FCGR2A: variants seen among roughly 807,000 people sequenced by gnomAD.
FCGR2A encodes low affinity immunoglobulin gamma Fc region receptor II-a.
In FCGR2A, 18 loss-of-function variants were observed where a neutral mutation model predicts 29.3. That is an observed-to-expected ratio of 0.62 (90% CI 0.43 to 0.91). The LOEUF is 0.91. Ranked by LOEUF, FCGR2A falls within the 40% of genes least tolerant of loss-of-function variation. The pLI is 0.00. For synonymous variants in FCGR2A, 126 were observed against 144.8 expected, an observed-to-expected ratio of 0.87 and a Z score of 0.93; for missense variants, 287 against 393.0, an observed-to-expected ratio of 0.73 and a Z score of 2.28.
intron 5 of FCGR2A, 68 bp downstream of exon 5, chr1:161,511,024 T>G: frequency 1.2e-6 from 2 of 1,611,392 alleles, no homozygotes; most frequent in Non-Finnish European, 1.7e-6. Context: ...CCCCAGACAT[T>G]GCCAGAATCC....
chr1:161,523,830 T>C (rs1024292831), downstream of FCGR2A: 1 of 149,596 alleles, frequency 6.7e-6, no homozygotes, highest in South Asian at 2.1e-4. Flanking sequence ...TTGAAATGGA[T>C]CGGAAAAAAA....
At chr1:161,507,162 T>C (rs1675468652) in intron 3 of FCGR2A, among the ~76,000 whole-genome samples, 1 of 152,242 alleles carries the variant, frequency 6.6e-6, no homozygotes, top group Non-Finnish European at 1.5e-5. Flanking sequence ...GATTTAGCTT[T>C]ATGTAAACAT....
At chr1:161,523,739 A>G (rs936216157), downstream of FCGR2A, 2 of 152,158 alleles carry the variant, frequency 1.3e-5, no homozygotes, top group African/African-American at 4.8e-5. Context: ...AAGGAGAGAG[A>G]ACAAAACTGG....
chr1:161,506,313 C>G, intron 2 of FCGR2A, 21 bp from the exon 3 acceptor site: 2 of 1,613,912 alleles, frequency 1.2e-6, no homozygotes, highest in Middle Eastern at 1.7e-4. Flanking sequence ...ATTCCACACC[C>G]CTTTCCACTC....
At chr1:161,520,452 C>T (rs1212166038), downstream of FCGR2A, among the ~76,000 whole-genome samples, 2 of 151,866 alleles carry the variant, frequency 1.3e-5, no homozygotes, top group Non-Finnish European at 2.9e-5. Flanking sequence ...GTTACCTCCA[C>T]CTGGTCCCAC....
intron 1 of FCGR2A, 138 bp downstream of exon 1, chr1:161,505,690 T>C: frequency 1.3e-6 from 1 of 790,362 alleles, no homozygotes; most frequent in Non-Finnish European, 2.2e-6. Context: ...CCCTGAATTC[T>C]TAAGTGTTCC....
chr1:161,513,842 C>A (rs1675970878), intron 5 of FCGR2A, 53 bp from the exon 6 acceptor site: 2 of 1,613,944 alleles, frequency 1.2e-6, no homozygotes, highest in South Asian at 2.2e-5. Context: ...TCAGCGTGGG[C>A]AGGCCCTTTT....
intron 6 of FCGR2A, among the ~76,000 whole-genome samples, chr1:161,514,346 G>C (rs1676010471): frequency 1.3e-5 from 2 of 149,662 alleles, no homozygotes. Flanking sequence ...ATTAATACTT[G>C]TCTCTGACTT....
intron 1 of FCGR2A, chr1:161,505,779 CT>C: frequency 1.4e-6 from 1 of 715,268 alleles, no homozygotes; most frequent in Admixed American, 2.0e-5. Context: ...TTCATGTGTA[CT>C]TTGTAGTCAT....
chr1:161,510,263 C>A (rs1299078330), intron 4 of FCGR2A, 189 bp downstream of exon 4: 2 of 1,011,154 alleles, frequency 2.0e-6, no homozygotes, highest in Non-Finnish European at 1.4e-6. Flanking sequence ...GGAGCCCTCA[C>A]GTCCCAGGTA....
In FCGR2A at chr1:161,505,995, G is replaced by C. The variant is rs1675362931; in HGVS notation, c.94G>C (p.Asp32His). Residue 32 changes from aspartate (D) to histidine (H), a missense_variant, in exon 2 of 7, where the codon GAC becomes CAC. This residue lies in a region of FCGR2A where 181 missense variants were observed against 250.9 expected (regional missense o/e 0.72). Coordinates refer to ENST00000271450, the MANE Select transcript of FCGR2A (RefSeq NM_001136219.3). ...LTVLLLLASA[D>H]SQAAAPPKAV... ...TCTCTTCTCTTTTACAGCTTCTGCA[G>C]ACAGTCAAGCTGGTGAGTATGCCCT... The C allele has an allele frequency of 1.2e-6, 2 of 1,614,006 alleles. No homozygotes were observed. The highest frequency in any genetic ancestry group is 1.7e-5 in the Admixed American group (1 of 60,000).
rs4657047 is a variant in FCGR2A, at chr1:161,516,483, T to G, written c.781-1492T>G. Among the ~76,000 whole-genome samples the G allele has an allele frequency of 2.5e-4, 38 of 152,088 alleles. 1 individual carries two copies. In the East Asian group the frequency reaches 2.7e-3, roughly 11 times the overall value. The stretch of plus-strand genomic sequence containing the variant: ...TGAGATTTCTCAATTACTAGATAGT[T>G]TTTAAAAACTAAAGTTGACTGATAA... On this transcript the variant is annotated intron_variant, in intron 6 of 6. Coordinates refer to ENST00000271450, the MANE Select transcript of FCGR2A (RefSeq NM_001136219.3).
At chr1:161,523,934 C>G (rs141404544), downstream of FCGR2A, 2 of 152,322 alleles carry the variant, frequency 1.3e-5, no homozygotes, top group African/African-American at 2.4e-5. Context: ...CAGCTAAAGA[C>G]CTGCAGTATT....
chr1:161,508,177 G>A (rs367945749), intron 3 of FCGR2A, among the ~76,000 whole-genome samples: 5 of 151,150 alleles, frequency 3.3e-5, no homozygotes, highest in Admixed American at 3.3e-4. Flanking sequence ...ACAAAGAAAT[G>A]CAACTGATTA....
chr1:161,508,587 CAAAAAAAAAA>C (rs10648106), intron 3 of FCGR2A, among the ~76,000 whole-genome samples: 33 of 88,430 alleles, frequency 3.7e-4, no homozygotes, highest in Non-Finnish European at 5.9e-4. Flanking sequence ...AACTCCATCT[CAAAAAAAAAA>C]AAAAGAAAAA....
Position 161,506,484 on chromosome 1 carries a change from C to G in FCGR2A, c.257C>G (p.Thr86Arg), listed in dbSNP as rs202091810. The change falls in exon 3 of 7, where the codon ACG (threonine) becomes AGG (arginine). Residue 86 changes from threonine (T) to arginine (R), a missense_variant. Physicochemically the swap from Thr to Arg is moderately conservative, Grantham distance 71. This residue lies in a region of FCGR2A where 181 missense variants were observed against 250.9 expected (regional missense o/e 0.72). Transcript: ENST00000271450. The stretch of plus-strand genomic sequence containing the variant: ...AATGGGAATCTCATTCCCACCCACA[C>G]GCAGCCCAGCTACAGGTTCAAGGCC... ...FHNGNLIPTH[T>R]QPSYRFKANN... 2 of 1,614,092 alleles carry G rather than the reference C, an allele frequency of 1.2e-6. No homozygotes were observed. The highest frequency in any genetic ancestry group is 1.7e-6 in the Non-Finnish European group (2 of 1,180,038).
At chr1:161,516,632 A>C (rs1676164081) in intron 6 of FCGR2A, among the ~76,000 whole-genome samples, 1 of 151,848 alleles carries the variant, frequency 6.6e-6, no homozygotes, top group African/African-American at 2.4e-5. Flanking sequence ...TTATTTTTGC[A>C]AAAAAGTTAA....
intron 6 of FCGR2A, among the ~76,000 whole-genome samples, chr1:161,516,080 A>T (rs911548159): frequency 1.4e-4 from 21 of 152,054 alleles, no homozygotes; most frequent in African/African-American, 5.1e-4. Context: ...TGAATATTCC[A>T]CCTAGTTTTA....
chr1:161,511,304 G>A (rs1171630536), intron 5 of FCGR2A, among the ~76,000 whole-genome samples: 1 of 152,172 alleles, frequency 6.6e-6, no homozygotes, highest in Non-Finnish European at 1.5e-5. Flanking sequence ...CAGGGACTGA[G>A]GCTGGGTGGG....
Sources: gnomAD v4.1 joint callset for allele counts (sites outside exome capture counted in the v4.1 genomes callset) on GRCh38, gnomAD v4.1.1 for gene constraint, gnomAD v4.1.1 regional missense constraint, MANE v1.5 for transcripts, NCBI Gene and HGNC (gene_info 2026-07-23, HGNC 2026-07-21) for gene names.